Variants in NUP210 observed in about 807,000 individuals in gnomAD.
The protein encoded by NUP210 is nuclear pore membrane glycoprotein 210.
In NUP210, 151 loss-of-function variants were observed where a neutral mutation model predicts 196.0. The observed-to-expected ratio is 0.77, with a 90% CI of 0.67 to 0.88. The LOEUF (loss-of-function observed/expected upper bound fraction) is 0.88. NUP210 is among the 40% of genes least tolerant of loss of function. NUP210 has a pLI of 0.00. For synonymous variants in NUP210, 1,070 were observed against 1,052.7 expected, an observed-to-expected ratio of 1.02 and a Z score of -0.32; for missense variants, 2,314 against 2,493.7, an observed-to-expected ratio of 0.93 and a Z score of 1.53.
At chr3:13,391,394 A>C in intron 3 of NUP210, 87 bp from the exon 4 acceptor site, 1 of 813,876 alleles carries the variant, frequency 1.2e-6, no homozygotes, top group Admixed American at 2.0e-5. Context: ...TGCCCCATGC[A>C]GGAACCACAC....
At chr3:13,332,859 C>T (rs1697054907) in intron 28 of NUP210, among the ~76,000 whole-genome samples, 2 of 152,218 alleles carry the variant, frequency 1.3e-5, no homozygotes, top group South Asian at 4.1e-4. Flanking sequence ...TGAGGAAGAA[C>T]TTTACCTGCC....
chr3:13,346,370 C>T (rs1435374194), intron 20 of NUP210, among the ~76,000 whole-genome samples: 2 of 152,228 alleles, frequency 1.3e-5, no homozygotes, highest in Non-Finnish European at 2.9e-5. Context: ...GCATTCTGGA[C>T]ACACCTGCTT....
intron 13 of NUP210, among the ~76,000 whole-genome samples, chr3:13,371,432 C>A (rs1401466801): frequency 6.6e-6 from 1 of 152,206 alleles, no homozygotes; most frequent in Non-Finnish European, 1.5e-5. Flanking sequence ...CCATCAAAAT[C>A]CCACAGCAGA....
Position 13,342,041 on chromosome 3 carries a change from A to C in NUP210, c.3047T>G (p.Phe1016Cys). ...KKPFLAKYFP[F>C]MDLKLRAASP... ...GGCTGCTCGGAGCTTCAGGTCCATA[A>C]AGGGGAAGTATTTGGCAAGGAAGGG... Residue 1016 changes from phenylalanine to cysteine, a missense_variant, in exon 22 of 40, where the codon TTT (phenylalanine) becomes TGT (cysteine). By Grantham distance (205) the Phe-to-Cys change is radical (BLOSUM62 -2). Transcript: ENST00000254508. 6.2e-7 allele frequency: 1 copy of C among 1,614,188 alleles called. No individual in the cohort carries two copies. Among genetic ancestry groups the C allele is most frequent in the Non-Finnish European group, 8.5e-7 (1 of 1,180,024 alleles).
At chr3:13,374,211 C>T (rs987511858) in intron 11 of NUP210, among the ~76,000 whole-genome samples, 10 of 152,138 alleles carry the variant, frequency 6.6e-5, no homozygotes, top group African/African-American at 1.9e-4. Context: ...CCTACTCATT[C>T]GTACACATGC....
chr3:13,405,819 A>G (rs1699986048), intron 1 of NUP210, among the ~76,000 whole-genome samples: 1 of 152,190 alleles, frequency 6.6e-6, no homozygotes, highest in Non-Finnish European at 1.5e-5. Flanking sequence ...TATCGCAGCT[A>G]GGCCTGGGTG....
At chr3:13,373,694 G>T (rs774032638) in intron 12 of NUP210, 24 bp downstream of exon 12, 1 of 1,612,330 alleles carries the variant, frequency 6.2e-7, no homozygotes, top group African/African-American at 1.3e-5. Flanking sequence ...CCTCCCAGGG[G>T]GTGTCTTGGC....
At chr3:13,321,484 G>T in intron 36 of NUP210, 101 bp downstream of exon 36, 1 of 1,284,394 alleles carries the variant, frequency 7.8e-7, no homozygotes, top group South Asian at 1.5e-5. Flanking sequence ...AAATTTTAAA[G>T]AGAGCTGGCC....
intron 20 of NUP210, 39 bp from the exon 21 acceptor site, chr3:13,343,342 G>GGCCC: frequency 3.0e-6 from 2 of 655,990 alleles, no homozygotes; most frequent in Non-Finnish European, 5.0e-6. Context: ...TGGGTGGTGG[G>GGCCC]TTACGCAGCT....
intron 14 of NUP210, among the ~76,000 whole-genome samples, chr3:13,365,234 C>T (rs1362981004): frequency 5.9e-5 from 9 of 152,224 alleles, no homozygotes; most frequent in Non-Finnish European, 1.3e-4. Flanking sequence ...CCTGAGCCTG[C>T]ACTACCCCCT....
At position 13,323,384 on chromosome 3, in the gene NUP210, T is replaced by A; in HGVS notation, c.4693A>T (p.Ile1565Phe). The change falls in exon 34 of 40, where the codon ATC becomes TTC. Residue 1565 changes from isoleucine to phenylalanine, a missense_variant. Ile to Phe is a conservative substitution (Grantham distance 21, BLOSUM62 0). Coordinates refer to ENST00000254508, the MANE Select transcript of NUP210 (RefSeq NM_024923.4). This position sits in a 1 kb window ranked among gnomAD's most constrained non-coding sequence, Gnocchi z 4.3. ...QRIMARHLHP[I>F]QTSFQEATAS... ...GTAGCCTCCTGGAAGCTGGTCTGGA[T>A]GGGGTGGAGGTGACGGGCCATGATC... is the stretch of plus-strand genomic sequence containing the variant. The A allele has an allele frequency of 6.2e-7, 1 of 1,614,060 alleles. No individual in the cohort carries two copies. Among genetic ancestry groups the A allele is most frequent in the South Asian group, 1.1e-5 (1 of 91,066 alleles).
chr3:13,381,053 G>A (rs1559337950), intron 6 of NUP210, among the ~76,000 whole-genome samples: 2 of 152,358 alleles, frequency 1.3e-5, no homozygotes, highest in Non-Finnish European at 1.5e-5. Context: ...ATGTAGGCTA[G>A]AATTGAGAAT....
At position 13,377,464 on chromosome 3, in the gene NUP210, C is replaced by G; in HGVS notation, c.1144G>C (p.Val382Leu). 6.2e-7 allele frequency: 1 copy of G among 1,612,514 alleles called. No individual in the cohort carries two copies. The highest frequency in any genetic ancestry group is 8.5e-7 in the Non-Finnish European group (1 of 1,178,630). Reference sequence around the variant, plus strand: ...CCTGAACAGGCACTCACGTCAGATACATAGACCTTGTTGCTGAACTTGTCA... The same window carrying G: ...CCTGAACAGGCACTCACGTCAGATAGATAGACCTTGTTGCTGAACTTGTCA... ...VFDKFSNKVY[V>L]SDNIRIETVL... Residue 382 changes from valine (V) to leucine (L), a missense_variant, in exon 9 of 40, where the codon GTA becomes CTA. By Grantham distance (32) the Val-to-Leu change is conservative. Transcript: ENST00000254508.
Position 13,360,261 on chromosome 3 carries a change from C to T in NUP210, c.2154+9G>A, listed in dbSNP as rs1402284784. On this transcript the variant is annotated intron_variant, in intron 15 of 39. Transcript: ENST00000254508. ...GGGCAAGGAGGGTCTGGAGCAGCTG[C>T]CCACTCACCTGCTCACCCAAGGCCT... The T allele has an allele frequency of 1.2e-6, 2 of 1,605,482 alleles. No homozygotes were observed. Among genetic ancestry groups the T allele is most frequent in the East Asian group, 2.2e-5 (1 of 44,848 alleles).
At chr3:13,376,570 G>C in intron 9 of NUP210, 139 bp from the exon 10 acceptor site, 1 of 826,114 alleles carries the variant, frequency 1.2e-6, no homozygotes, top group Non-Finnish European at 1.9e-6. Context: ...GCCTCCACTA[G>C]CAGCAGACGG....
chr3:13,318,855 G>C (rs1259348633), intron 39 of NUP210, among the ~76,000 whole-genome samples: 1 of 152,180 alleles, frequency 6.6e-6, no homozygotes, highest in Non-Finnish European at 1.5e-5. Context: ...CCTCCACCCA[G>C]CATGGCTCTA....
intron 1 of NUP210, among the ~76,000 whole-genome samples, chr3:13,417,750 T>C (rs963915751): frequency 2.0e-5 from 3 of 152,220 alleles, no homozygotes; most frequent in Admixed American, 2.0e-4. Context: ...ACATCTGCAG[T>C]CACACATCTG....
Position 13,321,725 on chromosome 3 carries a change from A to C in NUP210, c.5026T>G (p.Phe1676Val). ...VVSASLSSSH[F>V]STEQVGAEVP... ...TCGGCCCCCACCTGCTCTGTGGAGA[A>C]GTGGCTGCTGGAGAGGGAGGCACTG... Residue 1676 changes from phenylalanine (F) to valine (V), a missense_variant, in exon 36 of 40, where the codon TTC becomes GTC. By Grantham distance (50) the Phe-to-Val change is conservative. Transcript: ENST00000254508. The C allele has an allele frequency of 6.2e-7, 1 of 1,614,134 alleles. No individual in the cohort carries two copies. Among genetic ancestry groups the C allele is most frequent in the Non-Finnish European group, 8.5e-7 (1 of 1,180,044 alleles).
intron 2 of NUP210, among the ~76,000 whole-genome samples, chr3:13,398,676 G>A (rs556666589): frequency 6.6e-6 from 1 of 152,212 alleles, no homozygotes; most frequent in South Asian, 2.1e-4. Context: ...TTCCGCCACT[G>A]TGGGAGGCCA....
Sources: gnomAD v4.1 joint callset for allele counts (sites outside exome capture counted in the v4.1 genomes callset) on GRCh38, gnomAD v4.1.1 for gene constraint, Gnocchi (gnomAD v3.1) non-coding constraint, MANE v1.5 for transcripts, NCBI Gene and HGNC (gene_info 2026-07-23, HGNC 2026-07-21) for gene names.